RASSF3: variants seen among roughly 807,000 people sequenced by gnomAD.
RASSF3 encodes ras association domain-containing protein 3.
A neutral mutation model predicts 19.9 loss-of-function variants in RASSF3; 19 were observed. The ratio of observed to expected loss-of-function variants is 0.96; its 90% CI spans 0.67 to 1.40. The LOEUF (loss-of-function observed/expected upper bound fraction) is 1.40, where lower values mean the gene tolerates loss of function less well. Ranked by LOEUF, RASSF3 falls within the 40% of genes most tolerant of loss-of-function variation. The pLI is 0.00. For synonymous variants in RASSF3, 110 were observed against 104.2 expected, an observed-to-expected ratio of 1.06 and a Z score of -0.34; for missense variants, 306 against 289.8, an observed-to-expected ratio of 1.06 and a Z score of -0.41.
At chr12:64,508,873 T>C (rs1868309322) in intron 1 of RASSF3, among the ~76,000 whole-genome samples, 2 of 150,770 alleles carry the variant, frequency 1.3e-5, no homozygotes, top group Non-Finnish European at 1.5e-5. Context: ...GCAACAAGAG[T>C]GAAACTCCGT....
intron 1 of RASSF3, among the ~76,000 whole-genome samples, chr12:64,648,802 A>ATTTT (rs60003798): frequency 0.15 from 15,715 of 104,716 alleles, 2,020 homozygotes; most frequent in African/African-American, 0.28. Flanking sequence ...TTTTACATTG[A>ATTTT]TTTTTTTTTT....
At chr12:64,684,267 G>A (rs1873251939) in intron 1 of RASSF3, among the ~76,000 whole-genome samples, 1 of 150,402 alleles carries the variant, frequency 6.6e-6, no homozygotes, top group Non-Finnish European at 1.5e-5. Context: ...TGTATTTTTT[G>A]TAGAGATAGA....
chr12:64,694,804 C>T lies in RASSF3; in HGVS notation c.609C>T (p.Arg203=). 1 of 1,614,218 alleles carries T rather than the reference C, an allele frequency of 6.2e-7. No individual in the cohort carries two copies. Among genetic ancestry groups the T allele is most frequent in the Non-Finnish European group, 8.5e-7 (1 of 1,180,020 alleles). Residue 203 remains arginine, a synonymous_variant, in exon 5 of 5, where the codon CGC becomes CGT. Transcript: ENST00000542104. The stretch of plus-strand genomic sequence containing the variant: ...TTCCAGAACTACAGAATTTCTTGCG[C>T]ATCTTGGACAAGGAAGAAGATGAAC... ...FSLPELQNFL[R]ILDKEEDEQL... is the part of the protein sequence containing the mutation.
chr12:64,547,736 C>G (rs187266027), intron 2 of RASSF3, among the ~76,000 whole-genome samples: 6 of 152,266 alleles, frequency 3.9e-5, no homozygotes, highest in African/African-American at 1.4e-4. Context: ...TGAAACTCAA[C>G]TTTGATCGAT....
chr12:64,663,557 T>C (rs1872443584), intron 1 of RASSF3, among the ~76,000 whole-genome samples: 1 of 151,892 alleles, frequency 6.6e-6, no homozygotes, highest in South Asian at 2.1e-4. Context: ...AGTCTTGCTC[T>C]GTCACCCAGG....
chr12:64,659,414 C>T (rs1362803510), intron 1 of RASSF3, among the ~76,000 whole-genome samples: 2 of 152,164 alleles, frequency 1.3e-5, no homozygotes, highest in Non-Finnish European at 2.9e-5. Flanking sequence ...GAACAGGGTT[C>T]CTAGCCCTGG....
chr12:64,516,885 G>A (rs901255233), intron 1 of RASSF3, among the ~76,000 whole-genome samples: 57 of 150,746 alleles, frequency 3.8e-4, no homozygotes, highest in Non-Finnish European at 1.5e-4. Context: ...TGTAATCCCA[G>A]CTACTCCGCA....
downstream of RASSF3, among the ~76,000 whole-genome samples, chr12:64,542,481 T>C (rs920781277): frequency 5.3e-5 from 8 of 152,238 alleles, no homozygotes; most frequent in Non-Finnish European, 4.4e-5. Context: ...TCTATTCTCC[T>C]GGTTTGCTGA....
chr12:64,545,972 T>G (rs1869045959), downstream of RASSF3, among the ~76,000 whole-genome samples: 1 of 151,794 alleles, frequency 6.6e-6, no homozygotes, highest in African/African-American at 2.4e-5. Flanking sequence ...AGCAGGCGCT[T>G]GTAGTCCCAG....
chr12:64,660,685 T>C (rs111975306), intron 1 of RASSF3, among the ~76,000 whole-genome samples: 51 of 152,316 alleles, frequency 3.3e-4, no homozygotes, highest in African/African-American at 1.1e-3. Flanking sequence ...GCTAAAATAA[T>C]GTATACTCAA....
At chr12:64,548,339 GT>G (rs58298424) in intron 2 of RASSF3, among the ~76,000 whole-genome samples, 51,312 of 151,312 alleles carry the variant, frequency 0.34, 10,537 homozygotes, top group East Asian at 0.66. Context: ...TGCCCAGCTA[GT>G]TTTTTTTATT....
rs556058519 is a variant in RASSF3 at position 64,691,390 on chromosome 12, T to C, written c.458-80T>C. 1.3e-3 allele frequency: 1,205 copies of C among 934,010 alleles called. 3 individuals are homozygous for C. The Middle Eastern group carries it at 0.014, about 11-fold the overall frequency. The allele number at this position is 934,010 out of a possible 1,614,324, so 57.9% of individuals were successfully genotyped here. A position where few individuals can be genotyped will look rare whatever the true frequency, so the allele number is the denominator to read the frequency against. ...GGTAACTTGGATGGTTACCTTGATC[T>C]GGAGGAGGGGATCACAATGGGGAAG... On this transcript the variant is annotated intron_variant, in intron 3 of 4. Transcript: ENST00000542104.
chr12:64,541,153 T>G (rs1868927135), intron 1 of RASSF3, among the ~76,000 whole-genome samples: 1 of 151,898 alleles, frequency 6.6e-6, no homozygotes, highest in African/African-American at 2.4e-5. Flanking sequence ...ATCTGGCTGA[T>G]TTTTGTATTT....
intron 1 of RASSF3, among the ~76,000 whole-genome samples, chr12:64,616,765 C>T (rs1431538912): frequency 6.6e-6 from 1 of 152,140 alleles, no homozygotes; most frequent in African/African-American, 2.4e-5. Flanking sequence ...GCAGGCATTA[C>T]CTCTATTACA....
At chr12:64,512,524 G>C (rs969971393) in intron 1 of RASSF3, among the ~76,000 whole-genome samples, 35 of 152,036 alleles carry the variant, frequency 2.3e-4, no homozygotes, top group Admixed American at 2.0e-3. Context: ...ACTGTAAAAG[G>C]CTACTTATTT....
intron 1 of RASSF3, among the ~76,000 whole-genome samples, chr12:64,659,951 C>CGTGTGTGTGTGTGTGTGTGT (rs200835780): frequency 6.9e-6 from 1 of 144,754 alleles, no homozygotes; most frequent in African/African-American, 2.6e-5. Context: ...TCATCTAATA[C>CGTGTGTGTGTGTGTGTGTGT]GTGTGTGTGT....
upstream of RASSF3, among the ~76,000 whole-genome samples, chr12:64,605,881 C>G (rs1870182667): frequency 7.6e-6 from 1 of 131,702 alleles, no homozygotes; most frequent in African/African-American, 3.0e-5. Flanking sequence ...GAGCGAAACT[C>G]CGTCTCAAAA....
chr12:64,687,901 C>G (rs146280775), intron 2 of RASSF3, among the ~76,000 whole-genome samples: 1,651 of 152,248 alleles, frequency 0.011, 28 homozygotes, highest in African/African-American at 0.038. Flanking sequence ...GGATTGTAAC[C>G]TCGCAAATGG....
At chr12:64,640,227 AT>A (rs2136181650) in intron 1 of RASSF3, among the ~76,000 whole-genome samples, 1 of 152,292 alleles carries the variant, frequency 6.6e-6, no homozygotes, top group African/African-American at 2.4e-5. Context: ...GTTTGGACAT[AT>A]GTACACACCA....
Sources: allele counts gnomAD v4.1 joint callset (sites outside exome capture counted in the v4.1 genomes callset), GRCh38; gene constraint gnomAD v4.1.1; transcripts MANE v1.5; gene names NCBI Gene and HGNC (gene_info 2026-07-23, HGNC 2026-07-21).